SGCZ: variants seen among roughly 807,000 people sequenced by gnomAD.
The protein encoded by SGCZ is sarcoglycan zeta.
SGCZ carries 40 observed loss-of-function variants against 41.3 expected under a neutral mutation model. The observed-to-expected ratio is 0.97, with a 90% confidence interval of 0.75 to 1.26. SGCZ has a LOEUF of 1.26. SGCZ is among the 50% of genes most tolerant of loss of function. The pLI, the probability that SGCZ is intolerant of heterozygous loss-of-function variation, is 0.00. For missense variants in SGCZ, 552 were observed against 369.8 expected, an observed-to-expected ratio of 1.49 and a Z score of -4.04; for synonymous variants, 206 against 137.5, an observed-to-expected ratio of 1.50 and a Z score of -3.49.
intron 1 of SGCZ, among the ~76,000 whole-genome samples, chr8:14,599,033 C>A (rs1805503273): frequency 6.6e-6 from 1 of 152,016 alleles, no homozygotes; most frequent in Non-Finnish European, 1.5e-5. Context: ...AGATTCTAAA[C>A]CTCCTCTCCT....
At chr8:14,106,769 C>A (rs1268698453) in intron 6 of SGCZ, among the ~76,000 whole-genome samples, 1 of 152,216 alleles carries the variant, frequency 6.6e-6, no homozygotes, top group African/African-American at 2.4e-5. Flanking sequence ...TATGATCCAA[C>A]TTTAAAAGTG....
intron 2 of SGCZ, among the ~76,000 whole-genome samples, chr8:14,367,160 G>A (rs1263480553): frequency 6.6e-6 from 1 of 152,004 alleles, no homozygotes; most frequent in Non-Finnish European, 1.5e-5. Context: ...TCGGGACAGG[G>A]GCCAAATGCT....
intron 1 of SGCZ, among the ~76,000 whole-genome samples, chr8:14,819,117 A>C (rs1429133680): frequency 7.0e-6 from 1 of 143,872 alleles, no homozygotes; most frequent in Non-Finnish European, 1.5e-5. Flanking sequence ...TCTCAAAAGT[A>C]AAAGACAGAA....
At chr8:14,946,319 G>A (rs1800444480) in intron 1 of SGCZ, among the ~76,000 whole-genome samples, 1 of 151,456 alleles carries the variant, frequency 6.6e-6, no homozygotes, top group Non-Finnish European at 1.5e-5. Flanking sequence ...CTCATAGGCT[G>A]CTAGTCTCGG....
At chr8:14,378,438 T>C (rs974693786) in intron 2 of SGCZ, among the ~76,000 whole-genome samples, 17 of 152,166 alleles carry the variant, frequency 1.1e-4, no homozygotes, top group Non-Finnish European at 2.4e-4. Context: ...TGGGATCTAA[T>C]TAAACTTAAG....
intron 1 of SGCZ, among the ~76,000 whole-genome samples, chr8:14,961,102 A>C (rs535027409): frequency 1.3e-5 from 2 of 152,166 alleles, no homozygotes; most frequent in African/African-American, 4.8e-5. Flanking sequence ...GAATCAATGC[A>C]TCAGTGGGGC....
chr8:14,683,859 A>T (rs1246879936), intron 1 of SGCZ, among the ~76,000 whole-genome samples: 2 of 152,132 alleles, frequency 1.3e-5, no homozygotes, highest in Non-Finnish European at 2.9e-5. Context: ...ACTAGAAGTT[A>T]TATCCTCTGA....
At chr8:14,157,113 G>A (rs1803898233) in intron 5 of SGCZ, among the ~76,000 whole-genome samples, 1 of 151,866 alleles carries the variant, frequency 6.6e-6, no homozygotes, top group South Asian at 2.1e-4. Flanking sequence ...TTGGCATCAT[G>A]ACAAACATAT....
chr8:14,731,787 C>A (rs1452026914), intron 1 of SGCZ, among the ~76,000 whole-genome samples: 1 of 152,100 alleles, frequency 6.6e-6, no homozygotes, highest in Non-Finnish European at 1.5e-5. Context: ...ATCTCTAAGA[C>A]CATTTCTTTT....
chr8:15,218,181 G>C (rs1416523968), intron 1 of SGCZ, among the ~76,000 whole-genome samples: 1 of 151,880 alleles, frequency 6.6e-6, no homozygotes, highest in East Asian at 1.9e-4. Flanking sequence ...ACTTTTTTAA[G>C]TTTCTCATGA....
At chr8:15,186,094 A>T (rs1800325279) in intron 1 of SGCZ, among the ~76,000 whole-genome samples, 1 of 98,906 alleles carries the variant, frequency 1.0e-5, no homozygotes. Context: ...AAAAATAAAT[A>T]AAAAAATAAA....
At chr8:15,008,695 G>A (rs1459147921) in intron 1 of SGCZ, among the ~76,000 whole-genome samples, 1 of 82,640 alleles carries the variant, frequency 1.2e-5, no homozygotes, top group Non-Finnish European at 2.4e-5. Flanking sequence ...GAGGGGAGGG[G>A]AGAGGAGAAA....
intron 1 of SGCZ, among the ~76,000 whole-genome samples, chr8:15,063,662 T>C (rs1034225982): frequency 6.6e-6 from 1 of 152,182 alleles, no homozygotes; most frequent in African/African-American, 2.4e-5. Context: ...TCCAAAGATT[T>C]AAATTATTTT....
chr8:14,996,016 G>T (rs13249325), intron 1 of SGCZ, among the ~76,000 whole-genome samples: 55,005 of 151,724 alleles, frequency 0.36, 10,328 homozygotes, highest in South Asian at 0.43. Flanking sequence ...TGATTCTCCT[G>T]CCTCAGCCTC....
At chr8:14,707,568 T>TA (rs1472099989) in intron 1 of SGCZ, among the ~76,000 whole-genome samples, 2 of 152,138 alleles carry the variant, frequency 1.3e-5, no homozygotes, top group African/African-American at 4.8e-5. Flanking sequence ...AATTCACAAA[T>TA]ACTTTTTTTG....
chr8:14,526,381 A>G (rs1051219559), intron 2 of SGCZ, among the ~76,000 whole-genome samples: 1 of 152,150 alleles, frequency 6.6e-6, no homozygotes, highest in Non-Finnish European at 1.5e-5. Context: ...CGTCCCAAAG[A>G]TTAGAATATT....
rs569270967 is a variant in SGCZ, at chr8:14,970,653, T to C, written c.39+266932A>G. Among the ~76,000 whole-genome samples, 14 of 152,300 alleles carry C rather than the reference T, an allele frequency of 9.2e-5. No individual in the cohort carries two copies. In the South Asian group the frequency reaches 1.2e-3, roughly 14 times the overall value. ...TTTCTTGACCATTTCTTCTGTTCCA[T>C]TGACAAATTTATCTATCTTTGTACT... On this transcript the variant is annotated intron_variant, in intron 1 of 7. Transcript: ENST00000382080.
chr8:14,910,207 A>C (rs1347346556), intron 1 of SGCZ, among the ~76,000 whole-genome samples: 2 of 152,086 alleles, frequency 1.3e-5, no homozygotes, highest in African/African-American at 2.4e-5. Context: ...TACTCATTTA[A>C]TCATTTGTTA....
At chr8:14,523,691 G>C (rs1347711482) in intron 2 of SGCZ, among the ~76,000 whole-genome samples, 1 of 152,018 alleles carries the variant, frequency 6.6e-6, no homozygotes, top group Non-Finnish European at 1.5e-5. Context: ...TCAACTTGTT[G>C]AATATGTAAG....
Sources: allele counts gnomAD v4.1 joint callset (sites outside exome capture counted in the v4.1 genomes callset), GRCh38; gene constraint gnomAD v4.1.1; transcripts MANE v1.5; gene names NCBI Gene and HGNC (gene_info 2026-07-23, HGNC 2026-07-21).